Variants in ACACA observed in about 807,000 individuals in gnomAD.
ACACA encodes the protein acetyl-CoA carboxylase 1.
ACACA carries 103 observed loss-of-function variants against 296.1 expected under a neutral mutation model. That is an observed-to-expected ratio of 0.35 (90% CI 0.30 to 0.41). The LOEUF is 0.41. ACACA is among the 10% of genes least tolerant of loss of function. ACACA has a pLI of 1.00. For synonymous variants in ACACA, 953 were observed against 1,038.6 expected, an observed-to-expected ratio of 0.92 and a Z score of 1.58; for missense variants, 1,554 against 2,989.7, an observed-to-expected ratio of 0.52 and a Z score of 11.20.
At chr17:37,304,405 G>A (rs1489977922) in intron 3 of ACACA, among the ~76,000 whole-genome samples, 5 of 151,948 alleles carry the variant, frequency 3.3e-5, no homozygotes, top group African/African-American at 1.2e-4. Flanking sequence ...AATCCACCCC[G>A]CTTGCCTCCC....
At chr17:37,170,611 T>C (rs1259309243) in intron 41 of ACACA, among the ~76,000 whole-genome samples, 1 of 152,186 alleles carries the variant, frequency 6.6e-6, no homozygotes, top group Non-Finnish European at 1.5e-5. Flanking sequence ...AAAGGCATTA[T>C]CTATCTATCC....
intron 54 of ACACA, among the ~76,000 whole-genome samples, chr17:37,094,915 G>A (rs76380691): frequency 0.016 from 2,364 of 152,362 alleles, 61 homozygotes; most frequent in African/African-American, 0.052. Context: ...ACTGAGCTAC[G>A]GGGTGGGGGT....
chr17:37,331,180 C>T (rs891473679), intron 2 of ACACA, among the ~76,000 whole-genome samples: 3 of 151,362 alleles, frequency 2.0e-5, no homozygotes, highest in South Asian at 2.1e-4. Flanking sequence ...TGCAGTGGTG[C>T]GACTGCCACT....
chr17:37,220,003 G>A (rs2079210336), intron 29 of ACACA, among the ~76,000 whole-genome samples: 1 of 152,054 alleles, frequency 6.6e-6, no homozygotes, highest in African/African-American at 2.4e-5. Context: ...TAATCCAGCA[G>A]GTTTAGAATT....
chr17:37,200,599 T>C, intron 33 of ACACA, 116 bp from the exon 34 acceptor site: 1 of 915,184 alleles, frequency 1.1e-6, no homozygotes, highest in Non-Finnish European at 1.8e-6. Context: ...TTGGATATCC[T>C]TATCTTAGCT....
chr17:37,284,873 C>T lies in ACACA; in HGVS notation c.436G>A (p.Val146Ile). Residue 146 changes from valine (V) to isoleucine (I), a missense_variant, in exon 4 of 56, where the codon GTT becomes ATT. By Grantham distance (29) the Val-to-Ile change is conservative (BLOSUM62 3). Transcript: ENST00000616317. Reference protein sequence around the residue: ...DFTVASPAEFVTRFGGNKVIE... With the variant: ...DFTVASPAEFITRFGGNKVIE... Reference sequence around the variant, plus strand: ...ACTTTATTTCCCCCAAAGCGAGTAACAAATTCTGCTGGAGAAGCCACAGTG... The same window carrying T: ...ACTTTATTTCCCCCAAAGCGAGTAATAAATTCTGCTGGAGAAGCCACAGTG... The T allele has an allele frequency of 6.2e-7, 1 of 1,614,180 alleles. No individual in the cohort carries two copies. Among genetic ancestry groups the T allele is most frequent in the South Asian group, 1.1e-5 (1 of 91,088 alleles).
intron 27 of ACACA, among the ~76,000 whole-genome samples, chr17:37,224,686 C>T (rs1279395512): frequency 6.6e-6 from 1 of 151,704 alleles, no homozygotes; most frequent in Non-Finnish European, 1.5e-5. Flanking sequence ...ATCAACCAGC[C>T]TTGTCATTTA....
At chr17:37,201,429 C>T (rs1159194868) in intron 33 of ACACA, among the ~76,000 whole-genome samples, 6 of 149,264 alleles carry the variant, frequency 4.0e-5, no homozygotes, top group Non-Finnish European at 5.9e-5. Flanking sequence ...ATGAGACTGT[C>T]TCAAAAAAAA....
intron 3 of ACACA, among the ~76,000 whole-genome samples, chr17:37,318,504 G>A (rs2047197902): frequency 6.6e-6 from 1 of 152,208 alleles, no homozygotes; most frequent in South Asian, 2.1e-4. Flanking sequence ...GCCTCCCAAA[G>A]TGCTGGGATT....
At chr17:37,222,832 T>C (rs116783418) in intron 28 of ACACA, among the ~76,000 whole-genome samples, 3,380 of 152,288 alleles carry the variant, frequency 0.022, 119 homozygotes, top group African/African-American at 0.077. Flanking sequence ...AACTTTACAG[T>C]GGTATTCAGG....
chr17:37,403,575 T>C (rs1222452888), intron 1 of ACACA, among the ~76,000 whole-genome samples: 1 of 151,740 alleles, frequency 6.6e-6, no homozygotes, highest in African/African-American at 2.4e-5. Context: ...TTTCACCATG[T>C]TGCCCAGTTC....
intron 1 of ACACA, among the ~76,000 whole-genome samples, chr17:37,369,640 A>G (rs1407221728): frequency 2.0e-5 from 3 of 151,434 alleles, no homozygotes; most frequent in Non-Finnish European, 4.4e-5. Context: ...GAGAGACCCC[A>G]TTTCTAGAAA....
At chr17:37,122,982 A>G (rs2074601025) in intron 48 of ACACA, among the ~76,000 whole-genome samples, 1 of 152,206 alleles carries the variant, frequency 6.6e-6, no homozygotes, top group South Asian at 2.1e-4. Flanking sequence ...TTCACTCTAG[A>G]GCATCTCCTT....
intron 39 of ACACA, among the ~76,000 whole-genome samples, chr17:37,181,900 C>CAAAAAAAAAAAAAAAAAAA (rs61045031): frequency 9.0e-5 from 2 of 22,236 alleles, no homozygotes; most frequent in African/African-American, 2.7e-4. Context: ...ACTCTGTATC[C>CAAAAAAAAAAAAAAAAAAA]AAAAAAAAAA....
At chr17:37,244,934 T>C in intron 20 of ACACA, 146 bp downstream of exon 20, 1 of 1,356,588 alleles carries the variant, frequency 7.4e-7, no homozygotes, top group Non-Finnish European at 1.1e-6. Flanking sequence ...TCCATAATAC[T>C]ACAGGCACAA....
chr17:37,406,462 G>T lies in ACACA; in HGVS notation c.-163C>A. ...TCCACGAGCAGCCCTTCGGGGCCCG[G>T]ACTGGAGAGGCGCCACGGCTCGCCG... On this transcript the variant is annotated 5_prime_UTR_variant, in exon 1 of 56. Coordinates refer to ENST00000616317, the MANE Select transcript of ACACA (RefSeq NM_198834.3). The T allele has an allele frequency of 1.4e-6, 1 of 717,656 alleles. No homozygotes were observed. The highest frequency in any genetic ancestry group is 2.2e-6 in the Non-Finnish European group (1 of 446,988). 44.5% of individuals were successfully genotyped at this position (717,656 alleles called of 1,614,324 possible).
At position 37,121,593 on chromosome 17, in the gene ACACA, A is replaced by T. The variant is rs570210919; in HGVS notation, c.6139-103T>A. 5.5e-5 allele frequency: 79 copies of T among 1,424,980 alleles called. No homozygotes were observed. In the East Asian group the frequency reaches 1.7e-3, roughly 31 times the overall value. 88.3% of individuals were successfully genotyped at this position (1,424,980 alleles called of 1,614,324 possible). ...ACTTATTTAAAACTGAAAACTAAAA[A>T]TCAGATCAACAAAAACTATTGTTCA... On this transcript the variant is annotated intron_variant, in intron 49 of 55. Transcript: ENST00000616317.
Position 37,200,143 on chromosome 17 carries a change from A to C in ACACA, c.4154T>G (p.Phe1385Cys). The C allele has an allele frequency of 1.2e-6, 2 of 1,600,126 alleles. No individual in the cohort carries two copies. The highest frequency in any genetic ancestry group is 1.7e-6 in the Non-Finnish European group (2 of 1,167,378). The change falls in exon 35 of 56, where the codon TTT becomes TGT. Residue 1385 changes from phenylalanine (F) to cysteine (C), a missense_variant. Coordinates refer to ENST00000616317, the MANE Select transcript of ACACA (RefSeq NM_198834.3). ...ATTATTGTTCATTTTACTTACATGA[A>C]ATCTCCGATCCACCTCATAGTTGAC... is the stretch of plus-strand genomic sequence containing the variant. ...KQVNYEVDRR[F>C]HREFPKFFTF...
intron 1 of ACACA, among the ~76,000 whole-genome samples, chr17:37,363,572 T>G (rs2049496226): frequency 6.6e-6 from 1 of 152,230 alleles, no homozygotes; most frequent in Non-Finnish European, 1.5e-5. Context: ...TTCCCCTCTT[T>G]GTGTGCCAGA....
Sources: gnomAD v4.1 joint callset for allele counts (sites outside exome capture counted in the v4.1 genomes callset) on GRCh38, gnomAD v4.1.1 for gene constraint, MANE v1.5 for transcripts, NCBI Gene and HGNC (gene_info 2026-07-23, HGNC 2026-07-21) for gene names.